NDST4: variants seen among roughly 807,000 people sequenced by gnomAD.
NDST4 encodes the protein N-heparan sulfate sulfotransferase 4.
Under a neutral mutation model 100.8 loss-of-function variants are expected in NDST4, and 63 were observed. That is an observed-to-expected ratio of 0.62 (90% CI 0.51 to 0.77). The LOEUF is 0.77. NDST4 is among the 30% of genes least tolerant of loss of function. The probability of loss-of-function intolerance (pLI) is 0.00; values close to 1 mark genes in which losing one functional copy is unlikely to be tolerated. For synonymous variants in NDST4, 377 were observed against 361.8 expected (o/e 1.04, Z -0.48); for missense variants, 943 against 1,018.4 (o/e 0.93, Z 1.01).
chr4:115,003,056 C>T (rs1727332295), intron 2 of NDST4, among the ~76,000 whole-genome samples: 1 of 152,052 alleles, frequency 6.6e-6, no homozygotes, highest in African/African-American at 2.4e-5. Context: ...GGGAGGGGAA[C>T]ATCATACACT....
chr4:115,102,750 C>T (rs1257007050), intron 1 of NDST4, among the ~76,000 whole-genome samples: 1 of 112,624 alleles, frequency 8.9e-6, no homozygotes, highest in Non-Finnish European at 1.6e-5. Context: ...CTCTTATCAG[C>T]CAGGCTGGAG....
At chr4:115,031,811 T>C (rs1184179794) in intron 2 of NDST4, among the ~76,000 whole-genome samples, 1 of 152,088 alleles carries the variant, frequency 6.6e-6, no homozygotes, top group Non-Finnish European at 1.5e-5. Context: ...AGAGTCTATC[T>C]GCCATCCAAC....
intron 6 of NDST4, among the ~76,000 whole-genome samples, chr4:114,931,979 T>C (rs1190601667): frequency 6.6e-6 from 1 of 151,862 alleles, no homozygotes; most frequent in Non-Finnish European, 1.5e-5. Flanking sequence ...AGAGTACACT[T>C]CCAAACTCAT....
intron 11 of NDST4, among the ~76,000 whole-genome samples, chr4:114,838,390 T>G (rs549594197): frequency 5.9e-5 from 9 of 152,294 alleles, no homozygotes; most frequent in African/African-American, 1.9e-4. Flanking sequence ...TGCAGCACTA[T>G]TCACAATAGC....
In NDST4 at chr4:114,848,215, C is replaced by T; in HGVS notation, c.1940G>A (p.Trp647Ter). The change falls in exon 9 of 14, where the codon TGG becomes TAG. Residue 647 changes from tryptophan to a stop codon, truncating the protein, a stop_gained and splice_region_variant. Transcript: ENST00000264363. LOFTEE classifies it high-confidence loss of function. ...ATTTATTTTTTGTTATTTTTCTTAC[C>T]AGTCTATTCCTTTGTGATAGTTGTT... ...NGNNYHKGIDWYMDFFPTPSN... is the reference protein window; with the variant it reads ...NGNNYHKGID 3 of 1,587,376 alleles carry T rather than the reference C, an allele frequency of 1.9e-6. No individual in the cohort carries two copies. The highest frequency in any genetic ancestry group is 2.3e-5 in the East Asian group (1 of 44,146).
intron 2 of NDST4, among the ~76,000 whole-genome samples, chr4:114,983,570 A>AGTAACTAGCTTGTT (rs1297001672): frequency 1.3e-5 from 2 of 152,198 alleles, no homozygotes; most frequent in Non-Finnish European, 2.9e-5. Context: ...GTATCTTGGA[A>AGTAACTAGCTTGTT]GTAACTAGCT....
chr4:114,840,222 TC>T (rs1223146248), intron 10 of NDST4, among the ~76,000 whole-genome samples: 1 of 152,200 alleles, frequency 6.6e-6, no homozygotes, highest in African/African-American at 2.4e-5. Flanking sequence ...CTGCTTCACT[TC>T]TACTTTTCAG....
chr4:114,829,802 A>C lies in NDST4; in HGVS notation c.2487T>G (p.Pro829=). ...LGKSKGRKYP[P]MDPESRTFLS... ...AAAAAATTATTACCTCTGGATCCAT[A>C]GGTGGATATTTTCGGCCTTTGCTTT... Residue 829 remains proline, a synonymous_variant, in exon 13 of 14, where the codon CCT becomes CCG. Coordinates refer to ENST00000264363, the MANE Select transcript of NDST4 (RefSeq NM_022569.3). The C allele has an allele frequency of 6.2e-7, 1 of 1,609,624 alleles. No individual in the cohort carries two copies. Among genetic ancestry groups the C allele is most frequent in the South Asian group, 1.1e-5 (1 of 90,166 alleles).
At chr4:114,968,990 G>C (rs1726444066) in intron 4 of NDST4, among the ~76,000 whole-genome samples, 1 of 152,130 alleles carries the variant, frequency 6.6e-6, no homozygotes, top group African/African-American at 2.4e-5. Context: ...AGGTGAAATA[G>C]ATCACACTAA....
intron 1 of NDST4, among the ~76,000 whole-genome samples, chr4:115,096,141 C>T (rs1729617388): frequency 8.1e-6 from 1 of 124,136 alleles, no homozygotes; most frequent in Non-Finnish European, 1.8e-5. Flanking sequence ...ACAAAACTGA[C>T]TAAATCCCAC....
chr4:114,940,343 A>T (rs1421912600), intron 4 of NDST4, among the ~76,000 whole-genome samples: 2 of 152,222 alleles, frequency 1.3e-5, no homozygotes, highest in Non-Finnish European at 2.9e-5. Flanking sequence ...CATTTTTCAA[A>T]AATTAGAATA....
rs540035841 is a variant in NDST4 at position 114,928,089 on chromosome 4, A to T, written c.1536+7117T>A. Reference sequence around the variant, plus strand: ...AATAGAAACATTCTTCAGAGTCAGCATATTATTTCATATCAATAATTTTAA... The same window carrying T: ...AATAGAAACATTCTTCAGAGTCAGCTTATTATTTCATATCAATAATTTTAA... On this transcript the variant is annotated intron_variant, in intron 6 of 13. Coordinates refer to ENST00000264363, the MANE Select transcript of NDST4 (RefSeq NM_022569.3). Among the ~76,000 whole-genome samples the T allele has an allele frequency of 2.0e-5, 3 of 152,336 alleles. No individual in the cohort carries two copies. The East Asian group carries it at 5.8e-4, about 29-fold the overall frequency.
chr4:115,075,057 G>A (rs1484897622), intron 2 of NDST4, among the ~76,000 whole-genome samples: 1 of 152,002 alleles, frequency 6.6e-6, no homozygotes, highest in Non-Finnish European at 1.5e-5. Context: ...TTTTTATTTA[G>A]TAGCAATCAC....
chr4:115,052,750 G>C (rs1728611406), intron 2 of NDST4, among the ~76,000 whole-genome samples: 1 of 152,086 alleles, frequency 6.6e-6, no homozygotes, highest in Admixed American at 6.6e-5. Context: ...CATGAGAACA[G>C]ACTAATACAA....
At chr4:114,913,776 C>T (rs992514753) in intron 6 of NDST4, among the ~76,000 whole-genome samples, 2 of 150,216 alleles carry the variant, frequency 1.3e-5, no homozygotes, top group Non-Finnish European at 3.0e-5. Context: ...TCATTTTGCC[C>T]TTCAGTATAA....
chr4:114,952,973 A>G (rs1416531057), intron 4 of NDST4, among the ~76,000 whole-genome samples: 2 of 151,928 alleles, frequency 1.3e-5, no homozygotes, highest in East Asian at 3.8e-4. Context: ...GCTGTGACCA[A>G]AAAAGGCTTT....
chr4:114,939,030 A>C (rs1725693172), intron 4 of NDST4, among the ~76,000 whole-genome samples: 1 of 152,180 alleles, frequency 6.6e-6, no homozygotes, highest in Admixed American at 6.5e-5. Context: ...GTCCAGTAAT[A>C]AAAGTACTTG....
At chr4:114,910,126 A>T (rs1725034101) in intron 6 of NDST4, among the ~76,000 whole-genome samples, 1 of 152,184 alleles carries the variant, frequency 6.6e-6, no homozygotes, top group Admixed American at 6.5e-5. Context: ...CACTGAAGAG[A>T]TATGATCACA....
intron 2 of NDST4, among the ~76,000 whole-genome samples, chr4:115,020,653 A>G (rs1727789644): frequency 6.6e-6 from 1 of 152,052 alleles, no homozygotes; most frequent in Non-Finnish European, 1.5e-5. Context: ...CACAGTCTAT[A>G]CATCTATACA....
Sources: allele counts gnomAD v4.1 joint callset (sites outside exome capture counted in the v4.1 genomes callset), GRCh38; gene constraint gnomAD v4.1.1; transcripts MANE v1.5; gene names NCBI Gene and HGNC (gene_info 2026-07-23, HGNC 2026-07-21).